CDH7: variants seen among roughly 807,000 people sequenced by gnomAD.
CDH7 encodes cadherin 7.
Under a neutral mutation model 71.8 loss-of-function variants are expected in CDH7, and 25 were observed. The observed-to-expected ratio is 0.35, with a 90% CI of 0.25 to 0.49. CDH7 has a LOEUF of 0.49. CDH7 is among the 20% of genes least tolerant of loss of function. The probability of loss-of-function intolerance (pLI) is 0.99; values close to 1 mark genes in which losing one functional copy is unlikely to be tolerated. For missense variants in CDH7, 862 were observed against 974.6 expected (o/e 0.88, Z 1.54); for synonymous variants, 381 against 363.8 (o/e 1.05, Z -0.54).
At chr18:65,864,669 A>G (rs1187426141) in intron 11 of CDH7, among the ~76,000 whole-genome samples, 3 of 151,614 alleles carry the variant, frequency 2.0e-5, no homozygotes, top group Non-Finnish European at 2.9e-5. Flanking sequence ...CGGGCGGATC[A>G]TGAGGTCAGG....
chr18:65,837,447 G>A (rs1351978796), intron 6 of CDH7, among the ~76,000 whole-genome samples: 1 of 152,166 alleles, frequency 6.6e-6, no homozygotes, highest in East Asian at 1.9e-4. Context: ...CTGGAAAAAG[G>A]CTCCTGCTGA....
chr18:65,782,668 T>G (rs753380909), intron 2 of CDH7, among the ~76,000 whole-genome samples: 1 of 152,194 alleles, frequency 6.6e-6, no homozygotes, highest in Non-Finnish European at 1.5e-5. Flanking sequence ...GAGACTATGG[T>G]CCCAACGTTT....
At chr18:65,846,662 T>C (rs141824244) in intron 7 of CDH7, among the ~76,000 whole-genome samples, 1 of 152,278 alleles carries the variant, frequency 6.6e-6, no homozygotes, top group East Asian at 1.9e-4. Flanking sequence ...TTATAATTTG[T>C]TGCATATGCA....
chr18:65,858,051 T>G, intron 8 of CDH7, 99 bp downstream of exon 8: 1 of 1,145,916 alleles, frequency 8.7e-7, no homozygotes, highest in South Asian at 1.6e-5. Flanking sequence ...AGTAGTTCCT[T>G]CTTTGAATTG....
At chr18:65,854,329 G>A (rs1217512020) in intron 7 of CDH7, among the ~76,000 whole-genome samples, 3 of 151,592 alleles carry the variant, frequency 2.0e-5, no homozygotes, top group Admixed American at 6.6e-5. Context: ...TCTACAAGGG[G>A]AAGCTGCAGA....
At chr18:65,764,696 A>T (rs927060842) in intron 2 of CDH7, among the ~76,000 whole-genome samples, 22 of 152,058 alleles carry the variant, frequency 1.4e-4, no homozygotes, top group Non-Finnish European at 4.4e-5. Flanking sequence ...GCAAAATCAT[A>T]TTTTGTGACA....
chr18:65,772,900 G>A (rs559468804), intron 2 of CDH7, among the ~76,000 whole-genome samples: 1 of 152,162 alleles, frequency 6.6e-6, no homozygotes, highest in African/African-American at 2.4e-5. Flanking sequence ...ATTTCACAGT[G>A]GATATTTGTG....
chr18:65,753,141 T>C (rs1256667727), intron 1 of CDH7, among the ~76,000 whole-genome samples: 1 of 152,184 alleles, frequency 6.6e-6, no homozygotes, highest in African/African-American at 2.4e-5. Context: ...TTCCTTGGCC[T>C]AAAAATCAAA....
chr18:65,809,653 A>G lies in CDH7; in HGVS notation c.211-51A>G, dbSNP rs149963244. 1.1e-4 allele frequency: 157 copies of G among 1,453,642 alleles called. No homozygotes were observed. The African/African-American group carries it at 1.7e-3, about 16-fold the overall frequency. 90.0% of individuals were successfully genotyped at this position (1,453,642 alleles called of 1,614,324 possible). A position where few individuals can be genotyped will look rare whatever the true frequency, so the allele number is the denominator to read the frequency against. On this transcript the variant is annotated intron_variant, in intron 2 of 11. Transcript: ENST00000397968. ...AAGAATTATTTTTACATATCTCCAT[A>G]TCACTGACTCTCTTGTAAGTTAATC...
chr18:65,886,449 A>C lies in CDH7; in HGVS notation c.*5555A>C, dbSNP rs1914376779. 1 of 152,160 alleles carries C rather than the reference A, an allele frequency of 6.6e-6. No individual in the cohort carries two copies. The highest frequency in any genetic ancestry group is 6.5e-5 in the Admixed American group (1 of 15,270). 9.4% of individuals were successfully genotyped at this position (152,160 alleles called of 1,614,324 possible). A position where few individuals can be genotyped will look rare whatever the true frequency, so the allele number is the denominator to read the frequency against. ...ATCTCAGAAGATTGCAGTTTAACTC[A>C]ACATAATTCAACCATTCATATGAAT... On this transcript the variant is annotated 3_prime_UTR_variant, in exon 12 of 12. Transcript: ENST00000397968.
intron 7 of CDH7, among the ~76,000 whole-genome samples, chr18:65,850,835 A>G (rs1913125521): frequency 1.4e-5 from 2 of 147,182 alleles, no homozygotes. Flanking sequence ...TTTTTGAGAC[A>G]GGTCCTCAGT....
chr18:65,786,643 T>G (rs1910523597), intron 2 of CDH7, among the ~76,000 whole-genome samples: 1 of 152,152 alleles, frequency 6.6e-6, no homozygotes, highest in African/African-American at 2.4e-5. Flanking sequence ...ACTCTCTGAG[T>G]CAGAGATAAT....
Position 65,822,222 on chromosome 18 carries a change from A to G in CDH7, c.767A>G (p.Asn256Ser), listed in dbSNP as rs1413174797. ...GTCACTGTGACCCTAACTGATGTCA[A>G]CGATAATCCACCTCGCTTTCCTCGA... Reference protein sequence around the residue: ...TSVTVTLTDVNDNPPRFPRRS... With the variant: ...TSVTVTLTDVSDNPPRFPRRS... Residue 256 changes from asparagine (N) to serine (S), a missense_variant, in exon 5 of 12, where the codon AAC becomes AGC. Transcript: ENST00000397968. 2 of 1,611,034 alleles carry G rather than the reference A, an allele frequency of 1.2e-6. No homozygotes were observed. The highest frequency in any genetic ancestry group is 1.7e-6 in the Non-Finnish European group (2 of 1,177,550).
At chr18:65,867,552 GTT>G (rs920386207) in intron 11 of CDH7, among the ~76,000 whole-genome samples, 1 of 151,964 alleles carries the variant, frequency 6.6e-6, no homozygotes, top group African/African-American at 2.4e-5. Flanking sequence ...AATTTCAACT[GTT>G]TTGTTTAAAA....
At position 65,782,107 on chromosome 18, in the gene CDH7, CTTCTTTCTTTCTTTCTTTCTTTCT is replaced by C. The variant is rs745442687; in HGVS notation, c.210+19089_210+19112del. Among the ~76,000 whole-genome samples the C allele has an allele frequency of 9.6e-3, 242 of 25,230 alleles. 48 individuals carry two copies. The highest frequency in any genetic ancestry group is 0.08 in the African/African-American group (212 of 2,648). 16.6% of individuals were successfully genotyped at this position (25,230 alleles called of 152,430 possible). ...CCTTCCTTCCTTCCTTCCTTCCTTC[CTTCTTTCTTTCTTTCTTTCTTTCT>C]TTCTTTCTTTCTTTCTTTCTTTCTT... On this transcript the variant is annotated intron_variant, in intron 2 of 11. Coordinates refer to ENST00000397968, the MANE Select transcript of CDH7 (RefSeq NM_004361.5).
chr18:65,782,107 C>CTTCCTTCCTTCCTTCT (rs1910309338), intron 2 of CDH7, among the ~76,000 whole-genome samples: 5 of 25,222 alleles, frequency 2.0e-4, no homozygotes, highest in Non-Finnish European at 3.0e-4. Context: ...TCCTTCCTTC[C>CTTCCTTCCTTCCTTCT]TTCTTTCTTT....
In CDH7 at chr18:65,862,849, A is replaced by G. The variant is rs1913622982; in HGVS notation, c.1796A>G (p.Tyr599Cys). Residue 599 changes from tyrosine to cysteine, a missense_variant, in exon 11 of 12, where the codon TAT (tyrosine) becomes TGT (cysteine). Physicochemically the swap from Tyr to Cys is radical, Grantham distance 194. Transcript: ENST00000397968. ...GVAQTCNAEA[Y>C]VLPAGLSTGA... is the part of the protein sequence containing the mutation. ...GCCCAGACCTGCAATGCAGAGGCCT[A>G]TGTCCTACCTGCTGGCCTCAGTACA... 2 of 1,614,064 alleles carry G rather than the reference A, an allele frequency of 1.2e-6. No homozygotes were observed. Among genetic ancestry groups the G allele is most frequent in the Non-Finnish European group, 8.5e-7 (1 of 1,179,932 alleles).
In CDH7 at chr18:65,787,297, T is replaced by C. The variant is rs184752315; in HGVS notation, c.211-22407T>C. On this transcript the variant is annotated intron_variant, in intron 2 of 11. Coordinates refer to ENST00000397968, the MANE Select transcript of CDH7 (RefSeq NM_004361.5). The stretch of plus-strand genomic sequence containing the variant: ...TATAAGAAGGATTATTAGAACTTGA[T>C]TGAGGGGTGGTTATACACTGTTCCA... Among the ~76,000 whole-genome samples, 434 of 152,246 alleles carry C rather than the reference T, an allele frequency of 2.9e-3. 3 individuals carry two copies. The highest frequency in any genetic ancestry group is 0.01 in the African/African-American group (423 of 41,548).
At chr18:65,807,974 A>G (rs960235749) in intron 2 of CDH7, among the ~76,000 whole-genome samples, 4 of 152,150 alleles carry the variant, frequency 2.6e-5, no homozygotes, top group African/African-American at 9.7e-5. Context: ...ATCTCGTTAT[A>G]GGGAGTGGGG....
Sources: gnomAD v4.1 joint callset for allele counts (sites outside exome capture counted in the v4.1 genomes callset) on GRCh38, gnomAD v4.1.1 for gene constraint, MANE v1.5 for transcripts, NCBI Gene and HGNC (gene_info 2026-07-23, HGNC 2026-07-21) for gene names.